The following FBRSL1 variants were observed in gnomAD, a reference collection of about 807,000 sequenced individuals.
FBRSL1 encodes fibrosin-1-like protein.
In FBRSL1, 51 loss-of-function variants were observed where a neutral mutation model predicts 89.6. That is an observed-to-expected ratio of 0.57 (90% CI 0.45 to 0.72). FBRSL1 has a LOEUF of 0.72. Among genes scored for constraint, FBRSL1 ranks in the 30% least tolerant of loss-of-function variants. The pLI, the probability that FBRSL1 is intolerant of heterozygous loss-of-function variation, is 0.00. For synonymous variants in FBRSL1, 779 were observed against 681.1 expected (o/e 1.14, Z -2.24); for missense variants, 1,618 against 1,451.8 (o/e 1.11, Z -1.86).
chr12:132,528,310 C>T (rs968610256), intron 4 of FBRSL1, among the ~76,000 whole-genome samples: 2 of 152,118 alleles, frequency 1.3e-5, no homozygotes, highest in Admixed American at 1.3e-4. Context: ...GCACAGACCC[C>T]AGCTGCAGCT....
In FBRSL1 at chr12:132,526,555, C is replaced by T. The variant is rs572517201; in HGVS notation, c.579+732C>T. Among the ~76,000 whole-genome samples, 7 of 152,320 alleles carry T rather than the reference C, an allele frequency of 4.6e-5. No individual in the cohort carries two copies. The East Asian group carries it at 1.2e-3, about 25-fold the overall frequency. On this transcript the variant is annotated intron_variant, in intron 3 of 18. Coordinates refer to ENST00000680143, the MANE Select transcript of FBRSL1 (RefSeq NM_001367871.1). ...GACCCAGGGCCTTGGGCTCTGTCCCCTGACATCCTGGGGCCCTTCAGGAGC... is the reference window on the plus strand; with the variant it reads ...GACCCAGGGCCTTGGGCTCTGTCCCTTGACATCCTGGGGCCCTTCAGGAGC...
intron 2 of FBRSL1, among the ~76,000 whole-genome samples, chr12:132,519,476 C>T (rs904818527): frequency 2.0e-5 from 3 of 152,260 alleles, no homozygotes; most frequent in African/African-American, 7.2e-5. Context: ...TGACTCCCCA[C>T]TCCCAACTCT....
At position 132,501,570 on chromosome 12, in the gene FBRSL1, C is replaced by A. The variant is rs1488993599; in HGVS notation, c.292-6583C>A. On this transcript the variant is annotated intron_variant, in intron 1 of 18. Transcript: ENST00000680143. Reference sequence around the variant, plus strand: ...ACTGCTGTCATGAGTTCACAGGGGCCAGTGTGGGCCATGGAAATGAAGCCT... The same window carrying A: ...ACTGCTGTCATGAGTTCACAGGGGCAAGTGTGGGCCATGGAAATGAAGCCT... 5.3e-5 allele frequency among the ~76,000 whole-genome samples: 8 copies of A among 152,284 alleles called. No individual in the cohort carries two copies. In the East Asian group the frequency reaches 9.7e-4, roughly 18 times the overall value.
chr12:132,574,272 A>G, intron 12 of FBRSL1, 47 bp from the exon 13 acceptor site: 2 of 1,482,638 alleles, frequency 1.3e-6, no homozygotes, highest in Non-Finnish European at 9.0e-7. Context: ...CCCAGGACTC[A>G]GCCTCCTGAG....
At chr12:132,547,368 C>T (rs1391448362) in intron 4 of FBRSL1, among the ~76,000 whole-genome samples, 2 of 152,132 alleles carry the variant, frequency 1.3e-5, no homozygotes, top group African/African-American at 4.8e-5. Flanking sequence ...GATTTGTTTT[C>T]GGGATTATCA....
intron 4 of FBRSL1, among the ~76,000 whole-genome samples, chr12:132,538,013 C>G (rs1174182376): frequency 6.6e-6 from 1 of 152,166 alleles, no homozygotes. Flanking sequence ...CAGGAGGAGC[C>G]AGACTGGCTG....
rs142852962 is a variant in FBRSL1 at position 132,544,436 on chromosome 12, C to T, written c.616-3567C>T. ...CTTGGCCATCAGGGTCATAGACAAG[C>T]GTGAGCACTGCCAGGGCTAAGAGAC... On this transcript the variant is annotated intron_variant, in intron 4 of 18. Coordinates refer to ENST00000680143, the MANE Select transcript of FBRSL1 (RefSeq NM_001367871.1). Among the ~76,000 whole-genome samples the T allele has an allele frequency of 6.5e-3, 992 of 152,254 alleles. 7 individuals carry two copies. The highest frequency in any genetic ancestry group is 0.023 in the African/African-American group (948 of 41,532).
chr12:132,572,349 G>T lies in FBRSL1; in HGVS notation c.1434+5G>T. 6.4e-7 allele frequency: 1 copy of T among 1,551,034 alleles called. No homozygotes were observed. Reference sequence around the variant, plus strand: ...TTCCGACATTCCAGCGTGAGTGTGAGTGTCCCCGAGGGGCCCGGCGCGTGT... The same window carrying T: ...TTCCGACATTCCAGCGTGAGTGTGATTGTCCCCGAGGGGCCCGGCGCGTGT... On this transcript the variant is annotated splice_donor_5th_base_variant and intron_variant, in intron 10 of 18. Coordinates refer to ENST00000680143, the MANE Select transcript of FBRSL1 (RefSeq NM_001367871.1).
chr12:132,574,183 C>T, intron 12 of FBRSL1, 25 bp downstream of exon 12: 2 of 1,428,072 alleles, frequency 1.4e-6, no homozygotes, highest in South Asian at 1.5e-5. Context: ...GCGCCCGTCC[C>T]CACCCCGGGG....
intron 9 of FBRSL1, chr12:132,571,888 T>G: frequency 3.1e-6 from 1 of 327,770 alleles, no homozygotes; most frequent in South Asian, 8.1e-5. Flanking sequence ...GGAGGCCCGG[T>G]CTGAGGAGGG....
intron 4 of FBRSL1, among the ~76,000 whole-genome samples, chr12:132,536,260 C>T (rs573144045): frequency 2.0e-5 from 3 of 147,842 alleles, no homozygotes; most frequent in Admixed American, 1.3e-4. Context: ...GACCTCGTGC[C>T]ATGTGTACAT....
At chr12:132,503,412 T>A (rs1593255139) in intron 1 of FBRSL1, among the ~76,000 whole-genome samples, 1 of 152,140 alleles carries the variant, frequency 6.6e-6, no homozygotes. Context: ...TGATGTGGGG[T>A]CCCCATCAGA....
intron 1 of FBRSL1, among the ~76,000 whole-genome samples, chr12:132,496,821 G>A (rs534558813): frequency 7.1e-6 from 1 of 141,086 alleles, no homozygotes; most frequent in Admixed American, 7.3e-5. Flanking sequence ...CCGCCGCCCC[G>A]CGCTTCCTTC....
intron 2 of FBRSL1, among the ~76,000 whole-genome samples, chr12:132,520,303 T>C (rs1295537214): frequency 6.6e-6 from 1 of 152,122 alleles, no homozygotes; most frequent in African/African-American, 2.4e-5. Flanking sequence ...GAGAGCTCCC[T>C]TTCCCTGGCT....
In FBRSL1 at chr12:132,566,970, C is replaced by T. The variant is rs910585939; in HGVS notation, c.646-511C>T. On this transcript the variant is annotated intron_variant, in intron 5 of 18. Transcript: ENST00000680143. Reference sequence around the variant, plus strand: ...CGAGGTGCCCTGCAGCCTTGCGGACCCACATGTCCAGCCTGGTCGGTATCC... The same window carrying T: ...CGAGGTGCCCTGCAGCCTTGCGGACTCACATGTCCAGCCTGGTCGGTATCC... 1.7e-3 allele frequency among the ~76,000 whole-genome samples: 258 copies of T among 152,350 alleles called. 1 individual carries two copies. The highest frequency in any genetic ancestry group is 3.1e-3 in the Non-Finnish European group (210 of 68,026).
intron 2 of FBRSL1, among the ~76,000 whole-genome samples, chr12:132,515,081 A>T (rs181191930): frequency 2.4e-4 from 37 of 152,196 alleles, no homozygotes; most frequent in Non-Finnish European, 2.9e-4. Context: ...TGCTTATCTC[A>T]TGCCCATGCT....
At chr12:132,514,204 C>T (rs1290349483) in intron 2 of FBRSL1, among the ~76,000 whole-genome samples, 2 of 152,032 alleles carry the variant, frequency 1.3e-5, no homozygotes, top group African/African-American at 2.4e-5. Flanking sequence ...AGGGCAAAGA[C>T]ACAGAGGGCA....
At chr12:132,534,735 G>A (rs1488229057) in intron 4 of FBRSL1, among the ~76,000 whole-genome samples, 1 of 152,356 alleles carries the variant, frequency 6.6e-6, no homozygotes, top group Non-Finnish European at 1.5e-5. Context: ...CCTGGCTTCT[G>A]GGCCTTGGTG....
chr12:132,551,406 C>T, intron 5 of FBRSL1: 1 of 456,252 alleles, frequency 2.2e-6, no homozygotes, highest in Non-Finnish European at 4.4e-6. Context: ...GACCCAGCAG[C>T]CGTGCAGGGA....
Sources: gnomAD v4.1 joint callset for allele counts (sites outside exome capture counted in the v4.1 genomes callset) on GRCh38, gnomAD v4.1.1 for gene constraint, MANE v1.5 for transcripts, NCBI Gene and HGNC (gene_info 2026-07-23, HGNC 2026-07-21) for gene names.